Variants in TRIM37 observed in about 807,000 individuals in gnomAD.
TRIM37 encodes E3 ubiquitin-protein ligase TRIM37.
In TRIM37, 80 loss-of-function variants were observed where a neutral mutation model predicts 129.8. The observed-to-expected ratio is 0.62, with a 90% confidence interval of 0.51 to 0.74. TRIM37 has a LOEUF of 0.74. Ranked by LOEUF, TRIM37 falls within the 30% of genes least tolerant of loss-of-function variation. The probability of loss-of-function intolerance (pLI) is 0.00; values close to 1 mark genes in which losing one functional copy is unlikely to be tolerated. For missense variants in TRIM37, 1,054 were observed against 1,176.5 expected, an observed-to-expected ratio of 0.90 and a Z score of 1.52; for synonymous variants, 389 against 387.1, an observed-to-expected ratio of 1.00 and a Z score of -0.06.
In TRIM37 at chr17:59,083,991, G is replaced by A; in HGVS notation, c.369+11C>T. The A allele has an allele frequency of 6.2e-7, 1 of 1,610,196 alleles. No homozygotes were observed. Among genetic ancestry groups the A allele is most frequent in the Middle Eastern group, 1.6e-4 (1 of 6,076 alleles). On this transcript the variant is annotated intron_variant, in intron 5 of 23. Coordinates refer to ENST00000262294, the MANE Select transcript of TRIM37 (RefSeq NM_015294.6). Reference sequence around the variant, plus strand: ...CTAACTTAAAAAAAATACTGAATTTGTTCTGCTCACCATTCCTCCCCAAAG... The same window carrying A: ...CTAACTTAAAAAAAATACTGAATTTATTCTGCTCACCATTCCTCCCCAAAG...
At chr17:59,057,112 A>G in intron 12 of TRIM37, 58 bp from the exon 13 acceptor site, 1 of 1,458,880 alleles carries the variant, frequency 6.9e-7, no homozygotes, top group Non-Finnish European at 9.6e-7. Context: ...TAAAAAACAA[A>G]CTCATCTAAA....
chr17:58,998,219 T>A lies in TRIM37; in HGVS notation c.*1158A>T. On this transcript the variant is annotated 3_prime_UTR_variant, in exon 24 of 24. Coordinates refer to ENST00000262294, the MANE Select transcript of TRIM37 (RefSeq NM_015294.6). Reference sequence around the variant, plus strand: ...GAGGCATATTTTCTCAAGTTGATTTTATTAACAAAAAGTGCAAACTATTTT... The same window carrying A: ...GAGGCATATTTTCTCAAGTTGATTTAATTAACAAAAAGTGCAAACTATTTT... 1 of 985,446 alleles carries A rather than the reference T, an allele frequency of 1.0e-6. No individual in the cohort carries two copies. The highest frequency in any genetic ancestry group is 1.7e-5 in the African/African-American group (1 of 57,382). The allele number at this position is 985,446 out of a possible 1,614,324, so 61.0% of individuals were successfully genotyped here. A position where few individuals can be genotyped will look rare whatever the true frequency, so the allele number is the denominator to read the frequency against.
In TRIM37 at chr17:59,079,729, C is replaced by G. The variant is rs1348904955; in HGVS notation, c.616+25G>C. On this transcript the variant is annotated intron_variant, in intron 7 of 23. Transcript: ENST00000262294. ...CAAAGAAGCTGAAAGCACCAGGTACCCCAGCAGCATACATAAACACTTACC... is the reference window on the plus strand; with the variant it reads ...CAAAGAAGCTGAAAGCACCAGGTACGCCAGCAGCATACATAAACACTTACC... 3 of 1,613,320 alleles carry G rather than the reference C, an allele frequency of 1.9e-6. No individual in the cohort carries two copies. In the African/African-American group the frequency reaches 4.0e-5, roughly 22 times the overall value.
chr17:59,059,680 T>C (rs770823660), intron 12 of TRIM37, among the ~76,000 whole-genome samples: 22 of 152,210 alleles, frequency 1.4e-4, no homozygotes, highest in Non-Finnish European at 2.6e-4. Flanking sequence ...CTCTGTTGGA[T>C]GTTAGATACT....
intron 17 of TRIM37, among the ~76,000 whole-genome samples, chr17:59,040,977 C>T (rs1041652263): frequency 2.0e-5 from 3 of 151,514 alleles, no homozygotes; most frequent in East Asian, 1.9e-4. Context: ...ACCCGGGAAG[C>T]GGAGCTTGCA....
chr17:58,994,456 T>C (rs2032768985), downstream of TRIM37, among the ~76,000 whole-genome samples: 1 of 152,174 alleles, frequency 6.6e-6, no homozygotes, highest in South Asian at 2.1e-4. Context: ...GCGTGGTGGC[T>C]CACACCTGTA....
At chr17:59,034,834 G>C (rs2038283740) in intron 17 of TRIM37, among the ~76,000 whole-genome samples, 1 of 152,034 alleles carries the variant, frequency 6.6e-6, no homozygotes, top group African/African-American at 2.4e-5. Context: ...TATATTATCA[G>C]TACCCCAGAA....
intron 24 of TRIM37, among the ~76,000 whole-genome samples, chr17:58,989,047 G>GT (rs1390861788): frequency 6.6e-6 from 1 of 152,208 alleles, no homozygotes; most frequent in African/African-American, 2.4e-5. Context: ...CTTGTCCTAT[G>GT]TGAGATGTGT....
At chr17:59,043,673 C>T (rs1450917209) in intron 16 of TRIM37, among the ~76,000 whole-genome samples, 1 of 152,156 alleles carries the variant, frequency 6.6e-6, no homozygotes, top group Non-Finnish European at 1.5e-5. Flanking sequence ...AGATGCTCTA[C>T]CTGGATGCAG....
At chr17:59,041,692 C>T (rs538617000) in intron 17 of TRIM37, 121 bp downstream of exon 17, 6 of 722,244 alleles carry the variant, frequency 8.3e-6, no homozygotes, top group Non-Finnish European at 1.5e-5. Context: ...ATAAGATATA[C>T]CACTTCCAAC....
downstream of TRIM37, chr17:58,979,885 T>G: frequency 9.8e-7 from 1 of 1,019,556 alleles, no homozygotes; most frequent in East Asian, 2.5e-5. Flanking sequence ...CAGTAAGCTG[T>G]GATCAGAGTC....
chr17:59,089,859 G>C (rs1366084873), intron 3 of TRIM37, among the ~76,000 whole-genome samples: 1 of 152,102 alleles, frequency 6.6e-6, no homozygotes, highest in Non-Finnish European at 1.5e-5. Context: ...TAGCACTTCG[G>C]GAGGTCAAGG....
intron 6 of TRIM37, 23 bp from the exon 7 acceptor site, chr17:59,079,900 T>A (rs2147020278): frequency 6.2e-7 from 1 of 1,611,520 alleles, no homozygotes; most frequent in Non-Finnish European, 8.5e-7. Flanking sequence ...GAGGTAAGAA[T>A]AATTTTAATT....
intron 19 of TRIM37, among the ~76,000 whole-genome samples, chr17:59,022,489 G>A (rs912386143): frequency 2.4e-4 from 36 of 152,188 alleles, no homozygotes; most frequent in African/African-American, 8.4e-4. Flanking sequence ...AAGGGCATAG[G>A]CTCTGAAGTT....
chr17:58,989,300 G>C (rs1185163034), intron 24 of TRIM37, among the ~76,000 whole-genome samples: 1 of 152,150 alleles, frequency 6.6e-6, no homozygotes, highest in African/African-American at 2.4e-5. Flanking sequence ...GCCAGGCGTG[G>C]TGGTGCACAC....
rs2039955879 is a variant in TRIM37, at chr17:59,047,667, A to ACT, written c.1667+15_1667+16insAG. ...TACCACTTAAATGCTTTACAGTAGT[A>ACT]AAGTGGGAAACTCACATAGTTTCTT... is the stretch of plus-strand genomic sequence containing the variant. On this transcript the variant is annotated intron_variant, in intron 16 of 23. Coordinates refer to ENST00000262294, the MANE Select transcript of TRIM37 (RefSeq NM_015294.6). 8 of 1,610,454 alleles carry ACT rather than the reference A, an allele frequency of 5.0e-6. No individual in the cohort carries two copies. The highest frequency in any genetic ancestry group is 6.8e-6 in the Non-Finnish European group (8 of 1,178,158).
intron 1 of TRIM37, 91 bp from the exon 2 acceptor site, chr17:59,104,485 A>T: frequency 8.8e-7 from 1 of 1,140,984 alleles, no homozygotes; most frequent in East Asian, 2.3e-5. Context: ...ATTTACATTT[A>T]TTTTGGGCTG....
At chr17:58,969,488 T>A in the TRIM37 span, 2 of 1,566,326 alleles carry the variant, frequency 1.3e-6, no homozygotes, top group African/African-American at 2.7e-5. Flanking sequence ...TTGGTTCATT[T>A]GAATCATGCT....
At chr17:59,075,622 T>C (rs770330534) in intron 8 of TRIM37, 25 bp downstream of exon 8, 3 of 1,521,788 alleles carry the variant, frequency 2.0e-6, no homozygotes, top group Non-Finnish European at 2.7e-6. Flanking sequence ...TAAAGACTAT[T>C]TCATTACATT....
Sources: gnomAD v4.1 joint callset for allele counts (sites outside exome capture counted in the v4.1 genomes callset) on GRCh38, gnomAD v4.1.1 for gene constraint, MANE v1.5 for transcripts, NCBI Gene and HGNC (gene_info 2026-07-23, HGNC 2026-07-21) for gene names.